Variants in CARMIL1 observed in about 807,000 individuals in gnomAD.
CARMIL1 encodes F-actin-uncapping protein LRRC16A.
Under a neutral mutation model 177.1 loss-of-function variants are expected in CARMIL1, and 90 were observed. The ratio of observed to expected loss-of-function variants is 0.51; its 90% CI spans 0.43 to 0.61. The LOEUF (loss-of-function observed/expected upper bound fraction) is 0.61, where lower values mean the gene tolerates loss of function less well. CARMIL1 is among the 20% of genes least tolerant of loss of function. CARMIL1 has a pLI of 0.00. For synonymous variants in CARMIL1, 577 were observed against 606.2 expected, an observed-to-expected ratio of 0.95 and a Z score of 0.71; for missense variants, 1,380 against 1,667.0, an observed-to-expected ratio of 0.83 and a Z score of 3.00.
intron 2 of CARMIL1, among the ~76,000 whole-genome samples, chr6:25,332,032 G>T (rs1785673495): frequency 6.6e-6 from 1 of 152,056 alleles, no homozygotes; most frequent in Non-Finnish European, 1.5e-5. Context: ...CATAAATTTT[G>T]TTTTTTTAGA....
chr6:25,577,120 T>C lies in CARMIL1; in HGVS notation c.2743-3804T>C. 2.0e-6 allele frequency: 2 copies of C among 985,354 alleles called. No homozygotes were observed. Among genetic ancestry groups the C allele is most frequent in the Non-Finnish European group, 2.4e-6 (2 of 829,920 alleles). 61.0% of individuals were successfully genotyped at this position (985,354 alleles called of 1,614,324 possible). A position where few individuals can be genotyped will look rare whatever the true frequency, so the allele number is the denominator to read the frequency against. On this transcript the variant is annotated intron_variant, in intron 29 of 36. Transcript: ENST00000329474. This position sits in a 1 kb window ranked among gnomAD's most constrained non-coding sequence, Gnocchi z 4.5. The stretch of plus-strand genomic sequence containing the variant: ...AGTGTTGTCATCCATCTGCAGATCC[T>C]GAATGAAATAGGCAACAATTTAGAG...
At chr6:25,581,966 A>T (rs1166451910) in intron 31 of CARMIL1, among the ~76,000 whole-genome samples, 4 of 152,186 alleles carry the variant, frequency 2.6e-5, no homozygotes, top group Non-Finnish European at 4.4e-5. Flanking sequence ...CTCCAGTAGA[A>T]GACTCAATTG....
intron 4 of CARMIL1, among the ~76,000 whole-genome samples, chr6:25,429,970 C>T (rs1454030934): frequency 6.6e-5 from 10 of 151,796 alleles, no homozygotes; most frequent in East Asian, 1.9e-4. Context: ...CTCAGCCTCC[C>T]GAATAGCTGG....
chr6:25,550,241 CAA>C (rs1809949051), intron 26 of CARMIL1, among the ~76,000 whole-genome samples: 1 of 152,186 alleles, frequency 6.6e-6, no homozygotes, highest in African/African-American at 2.4e-5. Flanking sequence ...AAACATTTTT[CAA>C]ACTCTAAAGT....
At chr6:25,500,481 T>A (rs301393) in intron 17 of CARMIL1, among the ~76,000 whole-genome samples, 3 of 152,038 alleles carry the variant, frequency 2.0e-5, no homozygotes, top group Non-Finnish European at 4.4e-5. Flanking sequence ...TCTTGGTGCC[T>A]GCTGGCTGAG....
chr6:25,612,573 T>C (rs911353679), intron 36 of CARMIL1, among the ~76,000 whole-genome samples: 1 of 152,216 alleles, frequency 6.6e-6, no homozygotes. Context: ...TTGAATTCTG[T>C]AGATAATGAT....
At chr6:25,609,862 T>C (rs1363976132) in intron 35 of CARMIL1, among the ~76,000 whole-genome samples, 188 bp from the exon 36 acceptor site, 1 of 152,258 alleles carries the variant, frequency 6.6e-6, no homozygotes, top group Non-Finnish European at 1.5e-5. Flanking sequence ...TGAGTATTCA[T>C]TGTTTTTCCC....
chr6:25,505,815 G>A lies in CARMIL1; in HGVS notation c.1396-3841G>A, dbSNP rs1442133543. On this transcript the variant is annotated intron_variant, in intron 17 of 36. Coordinates refer to ENST00000329474, the MANE Select transcript of CARMIL1 (RefSeq NM_017640.6). ...ATAGTTATACATTAAGAGAAGAATTGGTAAATGCTGGGACTAAATTCTTCA... is the reference window on the plus strand; with the variant it reads ...ATAGTTATACATTAAGAGAAGAATTAGTAAATGCTGGGACTAAATTCTTCA... Among the ~76,000 whole-genome samples the A allele has an allele frequency of 2.0e-5, 3 of 151,868 alleles. No individual in the cohort carries two copies. In the East Asian group the frequency reaches 5.8e-4, roughly 29 times the overall value.
At chr6:25,443,960 C>T (rs56090310) in intron 5 of CARMIL1, among the ~76,000 whole-genome samples, 13,894 of 152,040 alleles carry the variant, frequency 0.091, 682 homozygotes, top group South Asian at 0.1. Flanking sequence ...TGCACCACCA[C>T]GCCCGAATAA....
At chr6:25,570,955 GT>G (rs1812020067) in intron 29 of CARMIL1, among the ~76,000 whole-genome samples, 1 of 152,034 alleles carries the variant, frequency 6.6e-6, no homozygotes, top group African/African-American at 2.4e-5. Context: ...AAAGAATTAG[GT>G]ATCTCTTTTT....
intron 8 of CARMIL1, among the ~76,000 whole-genome samples, chr6:25,461,103 T>TA (rs747735361): frequency 2.9e-4 from 44 of 152,238 alleles, no homozygotes; most frequent in Non-Finnish European, 5.0e-4. Flanking sequence ...AAAAAACTAC[T>TA]ATTTTGCATT....
chr6:25,279,499 C>T lies in CARMIL1; in HGVS notation c.-297C>T. ...CGGGAGGAGGAGCAGGCGCCACAGC[C>T]GCCCCGCGCCCCGCGCCCGCTTGTA... On this transcript the variant is annotated 5_prime_UTR_variant, in exon 1 of 37. Coordinates refer to ENST00000329474, the MANE Select transcript of CARMIL1 (RefSeq NM_017640.6). 2.0e-6 allele frequency: 1 copy of T among 489,564 alleles called. No individual in the cohort carries two copies. Among genetic ancestry groups the T allele is most frequent in the Non-Finnish European group, 3.7e-6 (1 of 269,828 alleles). The allele number at this position is 489,564 out of a possible 1,614,324, so 30.3% of individuals were successfully genotyped here. A position where few individuals can be genotyped will look rare whatever the true frequency, so the allele number is the denominator to read the frequency against.
chr6:25,453,063 T>G (rs1315516279), intron 8 of CARMIL1, among the ~76,000 whole-genome samples: 1 of 152,182 alleles, frequency 6.6e-6, no homozygotes, highest in Admixed American at 6.5e-5. Flanking sequence ...TTCATTGAGT[T>G]ATACATAGCT....
intron 23 of CARMIL1, chr6:25,527,694 G>A (rs1212434954): frequency 1.3e-5 from 6 of 446,744 alleles, no homozygotes; most frequent in Admixed American, 5.1e-5. Flanking sequence ...GTATCTTTTC[G>A]TTTTTGTAAT....
intron 11 of CARMIL1, among the ~76,000 whole-genome samples, chr6:25,478,850 T>C: frequency 6.6e-6 from 1 of 152,070 alleles, no homozygotes. Context: ...AAGTTGGAAG[T>C]ATTGACTCAA....
At chr6:25,284,042 C>G (rs1262767076) in intron 1 of CARMIL1, among the ~76,000 whole-genome samples, 1 of 151,974 alleles carries the variant, frequency 6.6e-6, no homozygotes. Flanking sequence ...TTTGTTTTGC[C>G]GTATTCCCCA....
chr6:25,443,549 T>C (rs1420762129), intron 5 of CARMIL1, among the ~76,000 whole-genome samples: 4 of 152,352 alleles, frequency 2.6e-5, no homozygotes, highest in African/African-American at 9.6e-5. Context: ...TTCCAGACCA[T>C]TGCAATAAAG....
chr6:25,303,614 C>T (rs1357808052), intron 2 of CARMIL1, among the ~76,000 whole-genome samples: 2 of 152,228 alleles, frequency 1.3e-5, no homozygotes, highest in African/African-American at 4.8e-5. Context: ...TTCCAGGGAA[C>T]TTGGAGAAAA....
rs148424415 is a variant in CARMIL1, at chr6:25,310,939, C to T, written c.138+26030C>T. Among the ~76,000 whole-genome samples the T allele has an allele frequency of 2.0e-4, 31 of 151,856 alleles. No homozygotes were observed. The East Asian group carries it at 5.2e-3, about 26-fold the overall frequency. ...AAACATGGTGGGTTGAGGCCGGGTG[C>T]GGTGGCCAAGGTGGGTGGATCACCT... On this transcript the variant is annotated intron_variant, in intron 2 of 36. Coordinates refer to ENST00000329474, the MANE Select transcript of CARMIL1 (RefSeq NM_017640.6).
Sources: gnomAD v4.1 joint callset for allele counts (sites outside exome capture counted in the v4.1 genomes callset) on GRCh38, gnomAD v4.1.1 for gene constraint, Gnocchi (gnomAD v3.1) non-coding constraint, MANE v1.5 for transcripts, NCBI Gene and HGNC (gene_info 2026-07-23, HGNC 2026-07-21) for gene names.